FRMPD3: variants seen among roughly 807,000 people sequenced by gnomAD.
FRMPD3 encodes the protein FERM and PDZ domain containing 3, also known as FERM and PDZ domain-containing protein 3.
A neutral mutation model predicts 97.9 loss-of-function variants in FRMPD3; 42 were observed. The ratio of observed to expected loss-of-function variants is 0.43; its 90% CI spans 0.34 to 0.55. FRMPD3 has a LOEUF of 0.55. Among genes scored for constraint, FRMPD3 ranks in the 20% least tolerant of loss-of-function variants. The probability of loss-of-function intolerance (pLI) is 0.03; values close to 1 mark genes in which losing one functional copy is unlikely to be tolerated. For synonymous variants in FRMPD3, 577 were observed against 581.1 expected (o/e 0.99, Z 0.10); for missense variants, 1,303 against 1,457.7 (o/e 0.89, Z 1.73).
intron 5 of FRMPD3, among the ~76,000 whole-genome samples, chrX:107,549,187 ACTCTC>A (rs2147578724): frequency 9.1e-6 from 1 of 109,330 alleles, no homozygotes; most frequent in East Asian, 2.9e-4. Context: ...AGGCATGGTG[ACTCTC>A]GCCTGTAATC....
At chrX:107,576,933 C>A (rs1035356816) in intron 13 of FRMPD3, among the ~76,000 whole-genome samples, 6 of 110,145 alleles carry the variant, frequency 5.4e-5, no homozygotes, top group Admixed American at 3.9e-4. Flanking sequence ...GCTCCCCAAC[C>A]CCAGCACCCA....
Position 107,602,486 on chromosome X carries a change from G to C in FRMPD3, c.4447G>C (p.Asp1483His). The C allele has an allele frequency of 8.3e-7, 1 of 1,211,591 alleles. No individual in the cohort carries two copies. The highest frequency in any genetic ancestry group is 1.1e-6 in the Non-Finnish European group (1 of 895,544). The change falls in exon 15 of 15, where the codon GAC becomes CAC. Residue 1483 changes from aspartate to histidine, a missense_variant. Coordinates refer to ENST00000683843, the MANE Select transcript of FRMPD3 (RefSeq NM_001388459.1). The stretch of plus-strand genomic sequence containing the variant: ...GGTGTACCGGAAGCCTGCCGAGCTA[G>C]ACGAGGACAGTGAGAGCAGCAAGTG... The part of the protein sequence containing the change: ...EEVYRKPAEL[D>H]EDSESSKCCS...
chrX:107,493,711 T>G (rs1286600967), intron 1 of FRMPD3, among the ~76,000 whole-genome samples: 1 of 112,359 alleles, frequency 8.9e-6, no homozygotes, highest in Admixed American at 9.5e-5. Flanking sequence ...CATTCACATT[T>G]GTGATTTTCA....
intron 1 of FRMPD3, among the ~76,000 whole-genome samples, chrX:107,516,524 C>T (rs1297981980): frequency 9.0e-6 from 1 of 111,325 alleles, no homozygotes. Flanking sequence ...TCTCCACATC[C>T]CCTCCAGCAC....
At chrX:107,557,839 A>ATG (rs1922169328) in intron 8 of FRMPD3, among the ~76,000 whole-genome samples, 2 of 65,524 alleles carry the variant, frequency 3.1e-5, no homozygotes, top group African/African-American at 1.4e-4. Flanking sequence ...ATATATATAT[A>ATG]TAGATCTATT....
chrX:107,466,329 C>T (rs1931562756), intron 1 of FRMPD3, among the ~76,000 whole-genome samples: 1 of 112,381 alleles, frequency 8.9e-6, no homozygotes, highest in Non-Finnish European at 1.9e-5. Context: ...GAGACCAGCT[C>T]CCCCAACCTC....
At chrX:107,501,129 GTTTC>G (rs1921894782) in intron 1 of FRMPD3, among the ~76,000 whole-genome samples, 1 of 109,745 alleles carries the variant, frequency 9.1e-6, no homozygotes, top group Non-Finnish European at 1.9e-5. Flanking sequence ...AGAGAGATGT[GTTTC>G]TTTCTTTATA....
intron 1 of FRMPD3, chrX:107,513,142 G>A (rs1340418123): frequency 8.9e-6 from 1 of 112,035 alleles, no homozygotes; most frequent in Non-Finnish European, 1.9e-5. Flanking sequence ...ATTTGTGAAA[G>A]GAAAGATGAC....
Position 107,458,139 on chromosome X carries a change from G to A in FRMPD3, c.-8+8134G>A, listed in dbSNP as rs368410953. On this transcript the variant is annotated intron_variant, in intron 1 of 14. Transcript: ENST00000683843. ...GGAATGAACAGCGGAGATCCTTAGC[G>A]GGCTTCACTTATCTCATCCTTCCTT... Among the ~76,000 whole-genome samples, 12 of 111,417 alleles carry A rather than the reference G, an allele frequency of 1.1e-4. No individual in the cohort carries two copies. The East Asian group carries it at 2.5e-3, about 24-fold the overall frequency.
intron 1 of FRMPD3, among the ~76,000 whole-genome samples, chrX:107,509,720 C>G (rs1490904873): frequency 9.1e-6 from 1 of 110,335 alleles, no homozygotes; most frequent in African/African-American, 3.3e-5. Context: ...AGTCACAGCA[C>G]AGTTGGGGCA....
At position 107,540,319 on chromosome X, in the gene FRMPD3, A is replaced by G. The variant is rs113225667; in HGVS notation, c.298-5418A>G. 3.7e-3 allele frequency among the ~76,000 whole-genome samples: 415 copies of G among 112,091 alleles called. 1 individual carries two copies. Among genetic ancestry groups the G allele is most frequent in the Middle Eastern group, 0.023 (5 of 218 alleles). On this transcript the variant is annotated intron_variant, in intron 4 of 14. Transcript: ENST00000683843. ...CTCAGGTGTCAAAGGCAGTGTAGCC[A>G]GAAGGGCAAATCAGTCAAAGCTTCA...
rs1302334952 is a variant in FRMPD3, at chrX:107,602,009, G to A, written c.3970G>A (p.Glu1324Lys). 8.5e-7 allele frequency: 1 copy of A among 1,170,012 alleles called. No individual in the cohort carries two copies. Among genetic ancestry groups the A allele is most frequent in the South Asian group, 2.0e-5 (1 of 50,105 alleles). ...QTPVPSLRGR[E>K]RDRVLPSQRQ... ...ACCAGTGCCCAGCCTCCGGGGGAGG[G>A]AAAGGGACAGAGTCCTCCCTAGCCA... The change falls in exon 15 of 15, where the codon GAA (glutamate) becomes AAA (lysine). Residue 1324 changes from glutamate to lysine, a missense_variant. Physicochemically the swap from Glu to Lys is moderately conservative, Grantham distance 56. Transcript: ENST00000683843.
intron 1 of FRMPD3, among the ~76,000 whole-genome samples, chrX:107,492,282 A>T (rs765094061): frequency 1.3e-4 from 15 of 111,641 alleles, no homozygotes; most frequent in Non-Finnish European, 2.4e-4. Flanking sequence ...CAGCCCTCGC[A>T]TCCCTATGTC....
chrX:107,566,939 T>C (rs1922628385), intron 12 of FRMPD3, among the ~76,000 whole-genome samples: 1 of 111,438 alleles, frequency 9.0e-6, no homozygotes, highest in Non-Finnish European at 1.9e-5. Context: ...CTGGAGAGGC[T>C]ACATTGTCAT....
At chrX:107,529,602 A>G (rs1922846198) in intron 2 of FRMPD3, among the ~76,000 whole-genome samples, 1 of 111,164 alleles carries the variant, frequency 9.0e-6, no homozygotes, top group Non-Finnish European at 1.9e-5. Context: ...TAAAAAAAGA[A>G]AAGAAAAGAA....
rs1160990105 is a variant in FRMPD3 at position 107,493,782 on chromosome X, T to C, written c.-7-32800T>C. Among the ~76,000 whole-genome samples the C allele has an allele frequency of 3.6e-5, 4 of 111,952 alleles. No individual in the cohort carries two copies. The Admixed American group carries it at 3.8e-4, about 11-fold the overall frequency. The stretch of plus-strand genomic sequence containing the variant: ...TTATTAAGTCTCAGGGCCCCATTTT[T>C]TTGCCCTTGGAGAAACACATCTCCA... On this transcript the variant is annotated intron_variant, in intron 1 of 14. Coordinates refer to ENST00000683843, the MANE Select transcript of FRMPD3 (RefSeq NM_001388459.1).
In FRMPD3 at chrX:107,601,046, G is replaced by A. The variant is rs762502246; in HGVS notation, c.3007G>A (p.Ala1003Thr). The change falls in exon 15 of 15, where the codon GCC becomes ACC. Residue 1003 changes from alanine to threonine, a missense_variant. Around this residue, in one of 3 missense-constraint regions of FRMPD3, gnomAD observed 764 missense variants for 820.2 expected, o/e 0.93. Transcript: ENST00000683843. The stretch of plus-strand genomic sequence containing the variant: ...AGAGGTTAGCATGATGAGCAGCAGT[G>A]CCAGTAAGAATCTGAAGTTCAAAAT... ...RPEVSMMSSSASKNLKFKISP... is the reference protein window; with the variant it reads ...RPEVSMMSSSTSKNLKFKISP... 1.7e-6 allele frequency: 2 copies of A among 1,206,431 alleles called. No individual in the cohort carries two copies. The highest frequency in any genetic ancestry group is 4.4e-5 in the Admixed American group (2 of 45,517).
chrX:107,529,392 C>G (rs1323354098), intron 2 of FRMPD3, among the ~76,000 whole-genome samples: 1 of 110,679 alleles, frequency 9.0e-6, no homozygotes. Context: ...CAAGACCACT[C>G]TGGGCAACAT....
chrX:107,556,111 A>G (rs1922068517), intron 8 of FRMPD3, among the ~76,000 whole-genome samples: 1 of 111,336 alleles, frequency 9.0e-6, no homozygotes, highest in South Asian at 3.8e-4. Flanking sequence ...TAATGAGAGA[A>G]AAAAACCTCA....
Sources: gnomAD v4.1 joint callset for allele counts (sites outside exome capture counted in the v4.1 genomes callset) on GRCh38, gnomAD v4.1.1 for gene constraint, gnomAD v4.1.1 regional missense constraint, MANE v1.5 for transcripts, NCBI Gene and HGNC (gene_info 2026-07-23, HGNC 2026-07-21) for gene names.